HNF1B: variants seen among roughly 807,000 people sequenced by gnomAD.
HNF1B encodes the protein HNF1 homeobox B.
A neutral mutation model predicts 61.7 loss-of-function variants in HNF1B; 8 were observed. The observed-to-expected ratio is 0.13, with a 90% CI of 0.08 to 0.23. The LOEUF is 0.23. Ranked by LOEUF, HNF1B falls within the 10% of genes least tolerant of loss-of-function variation. HNF1B has a pLI of 1.00. For synonymous variants in HNF1B, 314 were observed against 287.7 expected, an observed-to-expected ratio of 1.09 and a Z score of -0.93; for missense variants, 562 against 714.5, an observed-to-expected ratio of 0.79 and a Z score of 2.43.
intron 7 of HNF1B, among the ~76,000 whole-genome samples, chr17:37,699,876 C>A (rs1297427031): frequency 3.9e-5 from 6 of 152,214 alleles, no homozygotes; most frequent in East Asian, 3.8e-4. Flanking sequence ...TGTTCTCCCC[C>A]AAACCCACAG....
intron 1 of HNF1B, 25 bp downstream of exon 1, chr17:37,744,516 C>T (rs201781654): frequency 2.4e-4 from 387 of 1,597,440 alleles, no homozygotes; most frequent in Non-Finnish European, 3.2e-4. Context: ...TCGGGTGGGT[C>T]CCCTCCACCT....
intron 5 of HNF1B, 69 bp from the exon 6 acceptor site, chr17:37,705,118 T>C (rs2032700974): frequency 2.7e-6 from 4 of 1,487,650 alleles, no homozygotes; most frequent in Non-Finnish European, 3.7e-6. Flanking sequence ...TCCAACACGA[T>C]GTGACTTAGC....
intron 4 of HNF1B, among the ~76,000 whole-genome samples, chr17:37,719,995 CCAT>C (rs1389511788): frequency 2.0e-5 from 3 of 152,136 alleles, no homozygotes; most frequent in South Asian, 2.1e-4. Context: ...ATCATCATCA[CCAT>C]CATCATGACA....
intron 4 of HNF1B, among the ~76,000 whole-genome samples, chr17:37,714,422 T>C (rs373824632): frequency 5.9e-5 from 9 of 152,210 alleles, no homozygotes; most frequent in African/African-American, 1.9e-4. Flanking sequence ...TGGTTTAATA[T>C]TGATTAACCA....
At chr17:37,720,313 A>C (rs2033267334) in intron 4 of HNF1B, among the ~76,000 whole-genome samples, 2 of 152,226 alleles carry the variant, frequency 1.3e-5, no homozygotes, top group African/African-American at 4.8e-5. Flanking sequence ...TAAAGTAACT[A>C]GTAGAACTAA....
At position 37,738,412 on chromosome 17, in the gene HNF1B, CAA is replaced by C. The variant is rs369064955; in HGVS notation, c.544+1026_544+1027del. 1.7e-4 allele frequency among the ~76,000 whole-genome samples: 26 copies of C among 152,166 alleles called. No individual in the cohort carries two copies. In the South Asian group the frequency reaches 2.7e-3, roughly 16 times the overall value. On this transcript the variant is annotated intron_variant, in intron 2 of 8. Coordinates refer to ENST00000617811, the MANE Select transcript of HNF1B (RefSeq NM_000458.4). The stretch of plus-strand genomic sequence containing the variant: ...CTTCAGAGCAGTGTGTAACAGAAGA[CAA>C]GAGTCATTTTAAAAAGCAACAGGGA...
intron 4 of HNF1B, among the ~76,000 whole-genome samples, chr17:37,716,290 C>G (rs952120193): frequency 6.6e-6 from 1 of 152,098 alleles, no homozygotes; most frequent in African/African-American, 2.4e-5. Context: ...CTTCGCCTCC[C>G]GGGCTCAAGT....
chr17:37,701,284 C>T (rs1244478587), intron 6 of HNF1B, 107 bp from the exon 7 acceptor site: 1 of 1,083,268 alleles, frequency 9.2e-7, no homozygotes, highest in Non-Finnish European at 1.4e-6. Flanking sequence ...CGGGCTGAGC[C>T]TGTTACATAG....
At chr17:37,699,381 C>T (rs902961723) in intron 7 of HNF1B, among the ~76,000 whole-genome samples, 187 bp from the exon 8 acceptor site, 1 of 151,722 alleles carries the variant, frequency 6.6e-6, no homozygotes, top group East Asian at 1.9e-4. Flanking sequence ...AACCAACTCC[C>T]GAAAGCATGT....
At chr17:37,697,632 G>A (rs1031468986) in intron 8 of HNF1B, among the ~76,000 whole-genome samples, 12 of 152,314 alleles carry the variant, frequency 7.9e-5, no homozygotes, top group African/African-American at 2.4e-4. Flanking sequence ...AAGGAGGGCC[G>A]CTGCGCCTGG....
rs569438894 is a variant in HNF1B, at chr17:37,696,068, G to C, written c.1653+3008C>G. ...TGAAATGTGATTCCCAGTGTTGGAG[G>C]TGGGGCTCAGTGGGAGGTAATGGAT... On this transcript the variant is annotated intron_variant, in intron 8 of 8. Transcript: ENST00000617811. Among the ~76,000 whole-genome samples the C allele has an allele frequency of 4.6e-5, 7 of 152,284 alleles. No individual in the cohort carries two copies. The South Asian group carries it at 1.5e-3, about 32-fold the overall frequency.
intron 2 of HNF1B, among the ~76,000 whole-genome samples, chr17:37,738,464 T>C (rs2033897983): frequency 6.6e-6 from 1 of 152,052 alleles, no homozygotes; most frequent in African/African-American, 2.4e-5. Flanking sequence ...GAAACCCAGA[T>C]AGTGGTGGAA....
At chr17:37,726,999 G>C (rs1042833793) in intron 4 of HNF1B, among the ~76,000 whole-genome samples, 4 of 152,124 alleles carry the variant, frequency 2.6e-5, no homozygotes, top group Admixed American at 6.5e-5. Flanking sequence ...AGGTGAGCTT[G>C]CTGCCGACTA....
At chr17:37,724,487 C>T (rs1245772627) in intron 4 of HNF1B, among the ~76,000 whole-genome samples, 1 of 152,114 alleles carries the variant, frequency 6.6e-6, no homozygotes, top group African/African-American at 2.4e-5. Context: ...GGTCAGCAAA[C>T]TGGTCTGTTG....
chr17:37,718,119 T>C (rs2033184261), intron 4 of HNF1B, among the ~76,000 whole-genome samples: 1 of 151,828 alleles, frequency 6.6e-6, no homozygotes, highest in Non-Finnish European at 1.5e-5. Context: ...GGTTTTCTTA[T>C]TTAAAAAAAA....
At chr17:37,724,297 CTGGTTCTCAAATTTAGCTACACAT>C (rs138147739) in intron 4 of HNF1B, among the ~76,000 whole-genome samples, 18,856 of 152,020 alleles carry the variant, frequency 0.12, 1,490 homozygotes, top group Middle Eastern at 0.21. Context: ...AACCTTAGAA[CTGGTTCTCAAATTTAGCTACACAT>C]TGGTATCACT....
chr17:37,711,672 T>C (rs1448199260), intron 4 of HNF1B, among the ~76,000 whole-genome samples: 1 of 152,190 alleles, frequency 6.6e-6, no homozygotes, highest in Non-Finnish European at 1.5e-5. Context: ...CTAAGCTCAG[T>C]GCTTAGAAAG....
At chr17:37,692,251 AG>A (rs1309503614) in intron 8 of HNF1B, among the ~76,000 whole-genome samples, 1 of 152,260 alleles carries the variant, frequency 6.6e-6, no homozygotes, top group Admixed American at 6.5e-5. Context: ...CCTTGACAAC[AG>A]GAAGTACTGG....
At chr17:37,710,698 G>GT in intron 4 of HNF1B, 35 bp from the exon 5 acceptor site, 1 of 1,600,094 alleles carries the variant, frequency 6.2e-7, no homozygotes, top group Non-Finnish European at 8.5e-7. Context: ...GGGAACATTA[G>GT]TGCCACCAGG....
Sources: gnomAD v4.1 joint callset for allele counts (sites outside exome capture counted in the v4.1 genomes callset) on GRCh38, gnomAD v4.1.1 for gene constraint, MANE v1.5 for transcripts, NCBI Gene and HGNC (gene_info 2026-07-23, HGNC 2026-07-21) for gene names.